TEAD1: variants seen among roughly 807,000 people sequenced by gnomAD.
The protein encoded by TEAD1 is TEA domain transcription factor 1.
Under a neutral mutation model 54.9 loss-of-function variants are expected in TEAD1, and 9 were observed. The ratio of observed to expected loss-of-function variants is 0.16; its 90% confidence interval spans 0.10 to 0.29. The LOEUF (loss-of-function observed/expected upper bound fraction) is 0.29, where lower values mean the gene tolerates loss of function less well. Among genes scored for constraint, TEAD1 ranks in the 10% least tolerant of loss-of-function variants. The probability of loss-of-function intolerance (pLI) is 1.00; values close to 1 mark genes in which losing one functional copy is unlikely to be tolerated. For missense variants in TEAD1, 387 were observed against 535.9 expected (o/e 0.72, Z 2.74); for synonymous variants, 200 against 187.8 (o/e 1.07, Z -0.53).
intron 3 of TEAD1, among the ~76,000 whole-genome samples, chr11:12,831,241 G>A (rs537180967): frequency 1.2e-4 from 18 of 152,068 alleles, no homozygotes; most frequent in Non-Finnish European, 1.8e-4. Flanking sequence ...CTTCTTCAGA[G>A]CCCATCTCAA....
chr11:12,809,522 G>C (rs1410019145), intron 3 of TEAD1, among the ~76,000 whole-genome samples: 1 of 151,916 alleles, frequency 6.6e-6, no homozygotes, highest in Non-Finnish European at 1.5e-5. Context: ...TGATGTCTCT[G>C]TGTACACACC....
intron 5 of TEAD1, among the ~76,000 whole-genome samples, chr11:12,872,528 A>G (rs948052443): frequency 6.6e-6 from 1 of 152,242 alleles, no homozygotes; most frequent in African/African-American, 2.4e-5. Context: ...ATTGGAGACA[A>G]TTTCTCAGGC....
At chr11:12,763,108 G>A (rs1175585249) in intron 2 of TEAD1, among the ~76,000 whole-genome samples, 2 of 152,224 alleles carry the variant, frequency 1.3e-5, no homozygotes, top group African/African-American at 2.4e-5. Flanking sequence ...GTGCCAGACA[G>A]CAGGGAGTAC....
Position 12,940,926 on chromosome 11 carries a change from C to T in TEAD1, c.*3704C>T, listed in dbSNP as rs755707040. The stretch of plus-strand genomic sequence containing the variant: ...AAGAGGGCTAAGATACGTTTTCTGT[C>T]TTGAGCTGAAAGCACAGTCTACTCT... On this transcript the variant is annotated 3_prime_UTR_variant, in exon 13 of 13. Coordinates refer to ENST00000527636, the MANE Select transcript of TEAD1 (RefSeq NM_021961.6). The T allele has an allele frequency of 6.6e-6, 1 of 152,148 alleles. No individual in the cohort carries two copies. Among genetic ancestry groups the T allele is most frequent in the Non-Finnish European group, 1.5e-5 (1 of 68,030 alleles). 9.4% of individuals were successfully genotyped at this position (152,148 alleles called of 1,614,324 possible). A position where few individuals can be genotyped will look rare whatever the true frequency, so the allele number is the denominator to read the frequency against.
At chr11:12,857,306 G>A (rs899280899) in intron 3 of TEAD1, among the ~76,000 whole-genome samples, 4 of 152,174 alleles carry the variant, frequency 2.6e-5, no homozygotes, top group South Asian at 2.1e-4. Flanking sequence ...ATGTGCAGCC[G>A]GTGGGAAAGA....
chr11:12,873,833 T>C (rs182706095), intron 5 of TEAD1, among the ~76,000 whole-genome samples: 1 of 152,362 alleles, frequency 6.6e-6, no homozygotes, highest in East Asian at 1.9e-4. Flanking sequence ...AGTGCAAGAT[T>C]AGAAAGAACA....
chr11:12,715,102 A>C (rs955143332), intron 2 of TEAD1, among the ~76,000 whole-genome samples: 2 of 151,978 alleles, frequency 1.3e-5, no homozygotes, highest in African/African-American at 4.8e-5. Context: ...CTCTACCCTT[A>C]TGGAGCATAC....
At chr11:12,894,910 T>G (rs1181709090) in intron 9 of TEAD1, among the ~76,000 whole-genome samples, 1 of 152,220 alleles carries the variant, frequency 6.6e-6, no homozygotes, top group Non-Finnish European at 1.5e-5. Context: ...GACACTCCAG[T>G]ACAGTAGGTA....
At chr11:12,769,543 G>C (rs930439271) in intron 3 of TEAD1, among the ~76,000 whole-genome samples, 1 of 152,068 alleles carries the variant, frequency 6.6e-6, no homozygotes, top group African/African-American at 2.4e-5. Context: ...AAGATAGTAT[G>C]TTCTCATAAC....
chr11:12,699,185 A>G lies in TEAD1; in HGVS notation c.-55+23624A>G, dbSNP rs143715798. ...TATCTTTCACCATTTATTTTTTTTC[A>G]TTGGTTTCTTCATGGATCCACACAC... On this transcript the variant is annotated intron_variant, in intron 2 of 12. Coordinates refer to ENST00000527636, the MANE Select transcript of TEAD1 (RefSeq NM_021961.6). Among the ~76,000 whole-genome samples the G allele has an allele frequency of 5.3e-4, 81 of 151,656 alleles. No homozygotes were observed. The Middle Eastern group carries it at 0.014, about 25-fold the overall frequency.
At chr11:12,853,297 G>T (rs889926425) in intron 3 of TEAD1, among the ~76,000 whole-genome samples, 1 of 152,084 alleles carries the variant, frequency 6.6e-6, no homozygotes, top group East Asian at 1.9e-4. Flanking sequence ...GGTGGTGGTC[G>T]TGGTGGTGGT....
At chr11:12,931,856 G>T (rs369615324) in intron 12 of TEAD1, among the ~76,000 whole-genome samples, 2 of 152,022 alleles carry the variant, frequency 1.3e-5, no homozygotes, top group African/African-American at 2.4e-5. Flanking sequence ...AACATCTAAG[G>T]CCTAGGCCCC....
chr11:12,746,310 C>A (rs1004891255), intron 2 of TEAD1, among the ~76,000 whole-genome samples: 1 of 152,104 alleles, frequency 6.6e-6, no homozygotes, highest in African/African-American at 2.4e-5. Context: ...TAATTAGCTT[C>A]GACATGTTTG....
intron 5 of TEAD1, among the ~76,000 whole-genome samples, chr11:12,874,123 G>C (rs1283361268): frequency 6.6e-6 from 1 of 152,074 alleles, no homozygotes; most frequent in Non-Finnish European, 1.5e-5. Flanking sequence ...AAACTGTTTG[G>C]AATATATTGA....
chr11:12,719,371 A>G (rs1319309802), intron 2 of TEAD1, among the ~76,000 whole-genome samples: 2 of 152,006 alleles, frequency 1.3e-5, no homozygotes, highest in Admixed American at 1.3e-4. Context: ...CACATTAACA[A>G]GGGTGAGATT....
chr11:12,730,694 CTTTTTTTTTTT>C (rs71313457), intron 2 of TEAD1, among the ~76,000 whole-genome samples: 4 of 65,664 alleles, frequency 6.1e-5, no homozygotes, highest in East Asian at 4.9e-4. Flanking sequence ...CTACATAGCT[CTTTTTTTTTTT>C]TTTTTTTTTT....
intron 5 of TEAD1, among the ~76,000 whole-genome samples, chr11:12,871,792 GA>G (rs900433791): frequency 4.6e-5 from 7 of 151,384 alleles, no homozygotes; most frequent in African/African-American, 1.7e-4. Flanking sequence ...AAACTAAGAG[GA>G]AAGGAAGTCT....
chr11:12,905,095 A>G (rs1193937150), intron 10 of TEAD1: 2 of 152,844 alleles, frequency 1.3e-5, no homozygotes, highest in Non-Finnish European at 1.5e-5. Flanking sequence ...AACCATTTTC[A>G]GTAATTTCAA....
chr11:12,751,993 G>A (rs939579023), intron 2 of TEAD1, among the ~76,000 whole-genome samples: 5 of 152,130 alleles, frequency 3.3e-5, no homozygotes, highest in Non-Finnish European at 5.9e-5. Flanking sequence ...TTTCCTTTGG[G>A]ATCTTTGTAA....
Sources: allele counts gnomAD v4.1 joint callset (sites outside exome capture counted in the v4.1 genomes callset), GRCh38; gene constraint gnomAD v4.1.1; transcripts MANE v1.5; gene names NCBI Gene and HGNC (gene_info 2026-07-23, HGNC 2026-07-21).